RARB: variants seen among roughly 807,000 people sequenced by gnomAD.
RARB encodes the protein HBV-activated protein.
A neutral mutation model predicts 51.9 loss-of-function variants in RARB; 17 were observed. The observed-to-expected ratio is 0.33, with a 90% CI of 0.22 to 0.49. The LOEUF is 0.49. Ranked by LOEUF, RARB falls within the 20% of genes least tolerant of loss-of-function variation. The probability of loss-of-function intolerance (pLI) is 0.99; values close to 1 mark genes in which losing one functional copy is unlikely to be tolerated. For synonymous variants in RARB, 215 were observed against 195.4 expected (o/e 1.10, Z -0.84); for missense variants, 369 against 550.8 (o/e 0.67, Z 3.30).
intron 5 of RARB, among the ~76,000 whole-genome samples, chr3:25,243,131 G>A (rs573109595): frequency 1.3e-4 from 20 of 151,900 alleles, no homozygotes; most frequent in Non-Finnish European, 2.9e-4. Flanking sequence ...GTGTATAGGA[G>A]TGCTTGTGAT....
chr3:25,204,311 T>C (rs1018092925), intron 5 of RARB, among the ~76,000 whole-genome samples: 3 of 152,234 alleles, frequency 2.0e-5, no homozygotes, highest in African/African-American at 7.2e-5. Flanking sequence ...TTGATTGTTC[T>C]AGTTAGCCAT....
At chr3:25,457,700 A>G (rs975441606) in intron 1 of RARB, among the ~76,000 whole-genome samples, 1 of 151,806 alleles carries the variant, frequency 6.6e-6, no homozygotes, top group Non-Finnish European at 1.5e-5. Context: ...GAAATGCTGG[A>G]CTCCCTTCAG....
chr3:24,898,321 T>C (rs888631788), intron 2 of RARB, among the ~76,000 whole-genome samples: 12 of 149,702 alleles, frequency 8.0e-5, no homozygotes, highest in South Asian at 4.2e-4. Flanking sequence ...AAATTATAAA[T>C]ATAATATTTA....
intron 3 of RARB, among the ~76,000 whole-genome samples, chr3:25,086,368 T>C (rs978030722): frequency 2.6e-5 from 4 of 152,164 alleles, no homozygotes; most frequent in Non-Finnish European, 5.9e-5. Context: ...TACTGTGTCA[T>C]TTGATTTGAT....
chr3:25,456,932 G>A lies in RARB; in HGVS notation c.158-4261G>A, dbSNP rs556718714. Among the ~76,000 whole-genome samples, 28 of 152,030 alleles carry A rather than the reference G, an allele frequency of 1.8e-4. 1 individual carries two copies. The highest frequency in any genetic ancestry group is 6.2e-4 in the South Asian group (3 of 4,814). Reference sequence around the variant, plus strand: ...ATAGCCCAGTCACTTCCTCTTGGAAGGCTCCCTTGATTTCTCCTGGGATAA... The same window carrying A: ...ATAGCCCAGTCACTTCCTCTTGGAAAGCTCCCTTGATTTCTCCTGGGATAA... On this transcript the variant is annotated intron_variant, in intron 1 of 7. Transcript: ENST00000330688.
At chr3:25,266,624 T>C (rs1483912943) in intron 5 of RARB, among the ~76,000 whole-genome samples, 2 of 152,214 alleles carry the variant, frequency 1.3e-5, no homozygotes, top group Non-Finnish European at 2.9e-5. Flanking sequence ...ACCGTGTCCC[T>C]GCAAAATTCC....
chr3:25,454,602 C>A (rs762508017), intron 1 of RARB, among the ~76,000 whole-genome samples: 1 of 152,112 alleles, frequency 6.6e-6, no homozygotes, highest in Admixed American at 6.6e-5. Context: ...TGCATGATGC[C>A]TGCCTGCCTG....
At chr3:25,066,645 T>C (rs559007354) in intron 3 of RARB, among the ~76,000 whole-genome samples, 2 of 151,848 alleles carry the variant, frequency 1.3e-5, no homozygotes, top group African/African-American at 2.4e-5. Flanking sequence ...TTCTCTCTCT[T>C]ACCCTGTCAT....
chr3:25,174,681 G>A (rs979465204), intron 5 of RARB: 1 of 1,092,976 alleles, frequency 9.1e-7, no homozygotes. Flanking sequence ...TTCATTGGGT[G>A]CTGGTTTCTT....
chr3:25,124,143 G>C (rs923608223), intron 3 of RARB, among the ~76,000 whole-genome samples: 1 of 152,168 alleles, frequency 6.6e-6, no homozygotes, highest in Admixed American at 6.5e-5. Flanking sequence ...GGGAGGCCAA[G>C]GTGGGTGGAT....
intron 5 of RARB, among the ~76,000 whole-genome samples, chr3:25,179,548 A>C (rs1700821298): frequency 6.6e-6 from 1 of 152,142 alleles, no homozygotes; most frequent in Non-Finnish European, 1.5e-5. Flanking sequence ...TGTTAAACCA[A>C]ATAAAAATGA....
intron 3 of RARB, among the ~76,000 whole-genome samples, chr3:25,087,568 AG>A (rs1211299993): frequency 1.3e-5 from 2 of 152,162 alleles, no homozygotes; most frequent in Non-Finnish European, 2.9e-5. Context: ...AATACCTCAT[AG>A]GTTCGTTCAG....
rs534507309 is a variant in RARB, at chr3:24,985,681, T to C, written c.-379-74444T>C. 5.9e-5 allele frequency among the ~76,000 whole-genome samples: 9 copies of C among 152,356 alleles called. No homozygotes were observed. In the South Asian group the frequency reaches 1.9e-3, roughly 32 times the overall value. ...TTGGAAAAAAACAAACGTGGGTCTT[T>C]TGTTTCCAGAAATTTTGTTCATTTT... On this transcript the variant is annotated intron_variant, in intron 2 of 11. Transcript: ENST00000383772.
chr3:24,882,011 A>G (rs1490774202), intron 2 of RARB, among the ~76,000 whole-genome samples: 1 of 152,240 alleles, frequency 6.6e-6, no homozygotes, highest in African/African-American at 2.4e-5. Context: ...GATTATATGA[A>G]TATTGCCATA....
chr3:25,450,930 CA>C (rs1328490003), intron 1 of RARB, among the ~76,000 whole-genome samples: 1 of 152,112 alleles, frequency 6.6e-6, no homozygotes, highest in Non-Finnish European at 1.5e-5. Context: ...ACTAAAAATA[CA>C]AAAAAATAGC....
intron 2 of RARB, among the ~76,000 whole-genome samples, chr3:25,494,961 A>G (rs1012119861): frequency 6.6e-6 from 1 of 152,200 alleles, no homozygotes; most frequent in Non-Finnish European, 1.5e-5. Context: ...TGGATACACA[A>G]AGTTCTCTCA....
intron 2 of RARB, among the ~76,000 whole-genome samples, chr3:24,880,251 T>G (rs1053808648): frequency 1.3e-5 from 2 of 151,984 alleles, no homozygotes; most frequent in Admixed American, 6.6e-5. Context: ...TATCAGACAT[T>G]TGGGGAATAC....
intron 3 of RARB, among the ~76,000 whole-genome samples, chr3:25,540,833 C>T (rs904430184): frequency 6.6e-6 from 1 of 152,154 alleles, no homozygotes; most frequent in Non-Finnish European, 1.5e-5. Flanking sequence ...GAAGAAATCA[C>T]TCCTACTAGC....
chr3:24,868,964 G>C (rs544278300), intron 2 of RARB, among the ~76,000 whole-genome samples: 1 of 152,044 alleles, frequency 6.6e-6, no homozygotes, highest in South Asian at 2.1e-4. Context: ...ACCACCTTGG[G>C]CACATGTTCT....
Sources: allele counts gnomAD v4.1 joint callset (sites outside exome capture counted in the v4.1 genomes callset), GRCh38; gene constraint gnomAD v4.1.1; transcripts MANE v1.5; gene names NCBI Gene and HGNC (gene_info 2026-07-23, HGNC 2026-07-21).